ASXL3: variants seen among roughly 807,000 people sequenced by gnomAD.
ASXL3 encodes putative Polycomb group protein ASXL3.
Under a neutral mutation model 170.6 loss-of-function variants are expected in ASXL3, and 34 were observed. The ratio of observed to expected loss-of-function variants is 0.20; its 90% CI spans 0.15 to 0.27. The LOEUF is 0.27. Among genes scored for constraint, ASXL3 ranks in the 10% least tolerant of loss-of-function variants. ASXL3 has a pLI of 1.00. For missense variants in ASXL3, 2,592 were observed against 2,695.3 expected (o/e 0.96, Z 0.85); for synonymous variants, 1,002 against 989.1 (o/e 1.01, Z -0.24).
rs1457466740 is a variant in ASXL3, at chr18:33,670,753, A to G, written c.558A>G (p.Pro186=). Residue 186 remains proline (P), a synonymous_variant, in exon 6 of 12, where the codon CCA becomes CCG. Transcript: ENST00000269197. ...NKTVPRVVLT[P]LKVSDEQSDS... is the part of the protein sequence containing the mutation. ...CTGTTCCTCGTGTTGTTTTGACACCATTAAAGGTGTCTGATGAGCAGTCGG... is the reference window on the plus strand; with the variant it reads ...CTGTTCCTCGTGTTGTTTTGACACCGTTAAAGGTGTCTGATGAGCAGTCGG... 1.3e-6 allele frequency: 2 copies of G among 1,558,872 alleles called. No individual in the cohort carries two copies. Among genetic ancestry groups the G allele is most frequent in the Non-Finnish European group, 1.7e-6 (2 of 1,150,602 alleles).
intron 8 of ASXL3, among the ~76,000 whole-genome samples, chr18:33,693,062 T>G (rs1178984889): frequency 6.6e-6 from 1 of 152,138 alleles, no homozygotes; most frequent in East Asian, 1.9e-4. Flanking sequence ...GAGCCTTATC[T>G]CCGAAGAAAA....
intron 7 of ASXL3, among the ~76,000 whole-genome samples, chr18:33,682,148 T>A (rs758756887): frequency 6.6e-6 from 1 of 152,240 alleles, no homozygotes; most frequent in Non-Finnish European, 1.5e-5. Context: ...CCAGGTGATT[T>A]CTGTGACAAC....
chr18:33,750,015 G>A lies in ASXL3; in HGVS notation c.*3420G>A, dbSNP rs2067859632. ...CCTCTGGTTTCCCAGTTCCTCCGTG[G>A]TGTAATGAAGTCCCAGGTTTTAGAA... On this transcript the variant is annotated 3_prime_UTR_variant, in exon 12 of 12. Transcript: ENST00000269197. 1.3e-5 allele frequency: 2 copies of A among 152,308 alleles called. No individual in the cohort carries two copies. The highest frequency in any genetic ancestry group is 4.8e-5 in the African/African-American group (2 of 41,464). 9.4% of individuals were successfully genotyped at this position (152,308 alleles called of 1,614,324 possible). A position where few individuals can be genotyped will look rare whatever the true frequency, so the allele number is the denominator to read the frequency against.
At position 33,589,976 on chromosome 18, in the gene ASXL3, C is replaced by T. The variant is rs150943823; in HGVS notation, c.54+11291C>T. ...GAGTGTGTATTAGTTGAGTTTCTCC[C>T]GGTTACAAGTGAAACAAATTTAACT... On this transcript the variant is annotated intron_variant, in intron 1 of 11. Transcript: ENST00000269197. Among the ~76,000 whole-genome samples the T allele has an allele frequency of 2.2e-4, 34 of 151,924 alleles. 1 individual carries two copies. Among genetic ancestry groups the T allele is most frequent in the African/African-American group, 5.1e-4 (21 of 41,416 alleles).
chr18:33,593,041 G>A (rs2065091687), intron 1 of ASXL3, among the ~76,000 whole-genome samples: 1 of 151,876 alleles, frequency 6.6e-6, no homozygotes, highest in Non-Finnish European at 1.5e-5. Flanking sequence ...TAGAACAATC[G>A]TTGTAAACAA....
intron 5 of ASXL3, among the ~76,000 whole-genome samples, chr18:33,664,696 C>A (rs1568313508): frequency 3.3e-5 from 5 of 152,186 alleles, no homozygotes; most frequent in South Asian, 2.1e-4. Flanking sequence ...CCTGTACTTT[C>A]TACCCCTGCC....
intron 1 of ASXL3, among the ~76,000 whole-genome samples, chr18:33,603,629 A>C (rs907788802): frequency 6.6e-6 from 1 of 152,018 alleles, no homozygotes; most frequent in Non-Finnish European, 1.5e-5. Context: ...CACCACTAGG[A>C]AGGCAGCTAG....
intron 2 of ASXL3, among the ~76,000 whole-genome samples, chr18:33,630,062 C>T (rs112307958): frequency 1.1e-4 from 16 of 151,994 alleles, no homozygotes; most frequent in African/African-American, 3.9e-4. Context: ...AATCATATTT[C>T]CCTGAGGGTG....
At chr18:33,686,104 GT>G (rs926991195) in intron 8 of ASXL3, among the ~76,000 whole-genome samples, 1 of 152,210 alleles carries the variant, frequency 6.6e-6, no homozygotes, top group Non-Finnish European at 1.5e-5. Context: ...GTGTTACTCA[GT>G]TTTTTGTAGT....
intron 1 of ASXL3, among the ~76,000 whole-genome samples, chr18:33,606,123 G>A (rs750425559): frequency 6.6e-6 from 1 of 151,568 alleles, no homozygotes; most frequent in African/African-American, 2.4e-5. Context: ...GCTCTATTAT[G>A]CAGTTTCCTT....
At chr18:33,657,509 C>A (rs2066102722) in intron 4 of ASXL3, among the ~76,000 whole-genome samples, 2 of 152,082 alleles carry the variant, frequency 1.3e-5, no homozygotes, top group African/African-American at 4.8e-5. Context: ...CCAACCATAT[C>A]CCCTCCCTAG....
intron 8 of ASXL3, among the ~76,000 whole-genome samples, chr18:33,722,138 C>T (rs571387599): frequency 6.6e-6 from 1 of 152,122 alleles, no homozygotes; most frequent in African/African-American, 2.4e-5. Flanking sequence ...TCAGGCCTCC[C>T]TATTTCCTAA....
At chr18:33,629,971 A>G (rs1217084351) in intron 2 of ASXL3, among the ~76,000 whole-genome samples, 1 of 152,012 alleles carries the variant, frequency 6.6e-6, no homozygotes, top group Non-Finnish European at 1.5e-5. Context: ...GTTTTAATGT[A>G]CGGAAGAAGA....
Position 33,670,765 on chromosome 18 carries a change from T to C in ASXL3, c.570T>C (p.Ser190=). 6.4e-7 allele frequency: 1 copy of C among 1,552,274 alleles called. No homozygotes were observed. The change falls in exon 6 of 12, where the codon TCT becomes TCC. Residue 190 remains serine, a synonymous_variant. Transcript: ENST00000269197. ...TTGTTTTGACACCATTAAAGGTGTC[T>C]GATGAGCAGTCGGATTCGCCTTCAG... The part of the protein sequence containing the change: ...PRVVLTPLKV[S]DEQSDSPSGS...
chr18:33,700,489 G>A (rs1050605201), intron 8 of ASXL3, among the ~76,000 whole-genome samples: 1 of 151,912 alleles, frequency 6.6e-6, no homozygotes, highest in East Asian at 1.9e-4. Flanking sequence ...TCAGGATCAT[G>A]TACTGGTAGT....
Position 33,749,912 on chromosome 18 carries a change from A to G in ASXL3, c.*3317A>G, listed in dbSNP as rs1380245265. On this transcript the variant is annotated 3_prime_UTR_variant, in exon 12 of 12. Transcript: ENST00000269197. Reference sequence around the variant, plus strand: ...CATATGGTGCTTTATAATGCAGTCGAGAGTAAGAATACATGTTGCTGTAGC... The same window carrying G: ...CATATGGTGCTTTATAATGCAGTCGGGAGTAAGAATACATGTTGCTGTAGC... 1 of 152,262 alleles carries G rather than the reference A, an allele frequency of 6.6e-6. No individual in the cohort carries two copies. The highest frequency in any genetic ancestry group is 2.4e-5 in the African/African-American group (1 of 41,456). 9.4% of individuals were successfully genotyped at this position (152,262 alleles called of 1,614,324 possible).
At chr18:33,713,829 G>A (rs1465616406) in intron 8 of ASXL3, among the ~76,000 whole-genome samples, 3 of 152,176 alleles carry the variant, frequency 2.0e-5, no homozygotes, top group Non-Finnish European at 1.5e-5. Context: ...GTGAACAACC[G>A]TTATAAAAGT....
intron 1 of ASXL3, among the ~76,000 whole-genome samples, chr18:33,604,563 T>C (rs1464829371): frequency 4.6e-5 from 7 of 151,960 alleles, no homozygotes; most frequent in East Asian, 3.9e-4. Context: ...GGCTCAGCAA[T>C]TGATGGAAAG....
At chr18:33,698,187 A>C (rs1415629481) in intron 8 of ASXL3, among the ~76,000 whole-genome samples, 1 of 152,106 alleles carries the variant, frequency 6.6e-6, no homozygotes, top group Admixed American at 6.6e-5. Flanking sequence ...CTTATAAAAG[A>C]GATTTCAGAG....
Sources: gnomAD v4.1 joint callset for allele counts (sites outside exome capture counted in the v4.1 genomes callset) on GRCh38, gnomAD v4.1.1 for gene constraint, MANE v1.5 for transcripts, NCBI Gene and HGNC (gene_info 2026-07-23, HGNC 2026-07-21) for gene names.